The following BACH1 variants were observed in gnomAD, a reference collection of about 807,000 sequenced individuals.
The protein encoded by BACH1 is BTB domain and CNC homolog 1.
BACH1 carries 35 observed loss-of-function variants against 52.9 expected under a neutral mutation model. The ratio of observed to expected loss-of-function variants is 0.66; its 90% CI spans 0.51 to 0.88. The LOEUF is 0.88. BACH1 is among the 40% of genes least tolerant of loss of function. The pLI is 0.00. For missense variants in BACH1, 808 were observed against 872.6 expected (o/e 0.93, Z 0.93); for synonymous variants, 321 against 319.6 (o/e 1.00, Z -0.05).
chr21:29,354,924 A>T (rs1464938886), intron 2 of BACH1, among the ~76,000 whole-genome samples: 1 of 152,198 alleles, frequency 6.6e-6, no homozygotes, highest in Non-Finnish European at 1.5e-5. Context: ...AGGAATACTG[A>T]TGACTGGGAA....
At chr21:29,317,914 C>T (rs1298265307) in intron 1 of BACH1, among the ~76,000 whole-genome samples, 1 of 151,774 alleles carries the variant, frequency 6.6e-6, no homozygotes, top group East Asian at 1.9e-4. Context: ...GCAACTTGGC[C>T]AAGGTCATAT....
At chr21:29,323,127 AT>A (rs2088868564) in intron 2 of BACH1, among the ~76,000 whole-genome samples, 1 of 152,338 alleles carries the variant, frequency 6.6e-6, no homozygotes, top group African/African-American at 2.4e-5. Context: ...TTTTTAGATT[AT>A]TTTAACATAT....
chr21:29,346,864 A>G (rs1170773862), downstream of BACH1, among the ~76,000 whole-genome samples: 2 of 145,592 alleles, frequency 1.4e-5, no homozygotes, highest in Non-Finnish European at 3.0e-5. Context: ...TCGGGAGAAG[A>G]TGGTCTCTGG....
intron 2 of BACH1, chr21:29,361,415 G>C (rs565966056): frequency 1.4e-3 from 218 of 152,258 alleles, no homozygotes; most frequent in African/African-American, 4.9e-3. Flanking sequence ...AGGGGAAAGA[G>C]CCGTAGTTGT....
intron 3 of BACH1, 68 bp downstream of exon 3, chr21:29,327,461 T>A (rs759528868): frequency 8.5e-6 from 13 of 1,529,042 alleles, no homozygotes; most frequent in Non-Finnish European, 1.1e-5. Flanking sequence ...GTGGATCAGC[T>A]CCCTTTGCAT....
rs1201211278 is a variant in BACH1, at chr21:29,343,703, A to T, written c.*870A>T. 6.6e-6 allele frequency: 1 copy of T among 152,200 alleles called. No individual in the cohort carries two copies. Among genetic ancestry groups the T allele is most frequent in the Non-Finnish European group, 1.5e-5 (1 of 68,032 alleles). The allele number at this position is 152,200 out of a possible 1,614,324, so 9.4% of individuals were successfully genotyped here. A position where few individuals can be genotyped will look rare whatever the true frequency, so the allele number is the denominator to read the frequency against. ...TCCCTAGAATCTGGAGAGCTTACCAACATGTAAAGCTGTTCATTTTTCCAC... is the reference window on the plus strand; with the variant it reads ...TCCCTAGAATCTGGAGAGCTTACCATCATGTAAAGCTGTTCATTTTTCCAC... On this transcript the variant is annotated 3_prime_UTR_variant, in exon 5 of 5. Transcript: ENST00000286800.
chr21:29,313,549 A>G (rs1032060637), intron 1 of BACH1, among the ~76,000 whole-genome samples: 2 of 152,334 alleles, frequency 1.3e-5, no homozygotes, highest in Non-Finnish European at 2.9e-5. Flanking sequence ...CATCTTTATT[A>G]TAGTAGTCCA....
chr21:29,358,756 AAAG>A (rs564318381), intron 2 of BACH1, among the ~76,000 whole-genome samples: 2 of 110,980 alleles, frequency 1.8e-5, no homozygotes, highest in Non-Finnish European at 3.7e-5. Context: ...AAAGAAAAGA[AAAG>A]AAAAGAAAAG....
In BACH1 at chr21:29,326,249, G is replaced by GA; in HGVS notation, c.432dup (p.Cys145MetfsTer12). The GA allele has an allele frequency of 1.9e-6, 3 of 1,613,224 alleles. No individual in the cohort carries two copies. The highest frequency in any genetic ancestry group is 2.5e-6 in the Non-Finnish European group (3 of 1,179,770). On this transcript the variant is annotated frameshift_variant, in exon 3 of 5. Transcript: ENST00000286800. LOFTEE classifies it high-confidence loss of function. ...ACTGCAGACCAGCAAGAATGCCCAA[G>GA]AAAAAAATGCTTTTCATCACACTGT... is the stretch of plus-strand genomic sequence containing the variant.
chr21:29,333,162 C>T (rs767327813), intron 4 of BACH1, among the ~76,000 whole-genome samples: 3 of 152,140 alleles, frequency 2.0e-5, no homozygotes, highest in East Asian at 3.8e-4. Flanking sequence ...TTAGCTAATA[C>T]GAATAAGAAA....
At chr21:29,352,116 G>A (rs972567844) in intron 2 of BACH1, among the ~76,000 whole-genome samples, 1 of 149,974 alleles carries the variant, frequency 6.7e-6, no homozygotes, top group Non-Finnish European at 1.5e-5. Context: ...GTGCAGTGGC[G>A]CGATCAGAGC....
intron 4 of BACH1, among the ~76,000 whole-genome samples, chr21:29,333,677 G>A (rs2089010760): frequency 2.0e-5 from 3 of 152,064 alleles, no homozygotes; most frequent in East Asian, 1.9e-4. Context: ...TTTGCAGTTC[G>A]TCCTGAGGGC....
rs78158130 is a variant in BACH1, at chr21:29,311,598, G to C, written c.-60-9623G>C. On this transcript the variant is annotated intron_variant, in intron 1 of 4. Coordinates refer to ENST00000286800, the MANE Select transcript of BACH1 (RefSeq NM_001186.4). ...TATTTATCAACCTAAGATATTATCT[G>C]TTGACTTGGTATTACTGTGGGTGAT... Among the ~76,000 whole-genome samples, 1,413 of 152,162 alleles carry C rather than the reference G, an allele frequency of 9.3e-3. 11 individuals carry two copies. Among genetic ancestry groups the C allele is most frequent in the Non-Finnish European group, 0.014 (921 of 67,986 alleles).
intron 1 of BACH1, among the ~76,000 whole-genome samples, chr21:29,308,068 A>C (rs1295458246): frequency 1.3e-5 from 2 of 152,270 alleles, no homozygotes; most frequent in East Asian, 3.9e-4. Flanking sequence ...GTATTTCCCT[A>C]CTCAGTAGTT....
At chr21:29,315,592 C>T (rs1055043136) in intron 1 of BACH1, among the ~76,000 whole-genome samples, 3 of 152,178 alleles carry the variant, frequency 2.0e-5, no homozygotes, top group African/African-American at 7.2e-5. Context: ...ATGCACCGTT[C>T]CTGATGTCCA....
chr21:29,317,998 G>C (rs1402230913), intron 1 of BACH1, among the ~76,000 whole-genome samples: 2 of 152,046 alleles, frequency 1.3e-5, no homozygotes, highest in African/African-American at 2.4e-5. Flanking sequence ...TAAATCCTGT[G>C]GTGTTTGCCA....
At chr21:29,359,405 T>C (rs1429302494) in intron 2 of BACH1, 1 of 149,034 alleles carries the variant, frequency 6.7e-6, no homozygotes, top group African/African-American at 2.5e-5. Context: ...AGTATGATTA[T>C]AACCAGGTAT....
Position 29,326,712 on chromosome 21 carries a change from T to A in BACH1, c.888T>A (p.Ala296=). 6.2e-7 allele frequency: 1 copy of A among 1,614,170 alleles called. No homozygotes were observed. The highest frequency in any genetic ancestry group is 8.5e-7 in the Non-Finnish European group (1 of 1,180,038). ...MEPEETKKDP[A]SQCPTEKSEV... ...CTGAAGAAACGAAGAAAGATCCTGC[T>A]TCTCAGTGCCCAACTGAAAAATCAG... Residue 296 remains alanine (A), a synonymous_variant, in exon 3 of 5, where the codon GCT becomes GCA. Transcript: ENST00000286800.
chr21:29,320,745 A>G (rs1392041346), intron 1 of BACH1, among the ~76,000 whole-genome samples: 3 of 152,160 alleles, frequency 2.0e-5, no homozygotes, highest in Admixed American at 2.0e-4. Flanking sequence ...ATGTTGAGGA[A>G]TGGGGTGTGG....
Sources: gnomAD v4.1 joint callset for allele counts (sites outside exome capture counted in the v4.1 genomes callset) on GRCh38, gnomAD v4.1.1 for gene constraint, MANE v1.5 for transcripts, NCBI Gene and HGNC (gene_info 2026-07-23, HGNC 2026-07-21) for gene names.